Variants in NDST4 observed in about 807,000 individuals in gnomAD.
The protein encoded by NDST4 is N-heparan sulfate sulfotransferase 4.
Under a neutral mutation model 100.8 loss-of-function variants are expected in NDST4, and 63 were observed. That is an observed-to-expected ratio of 0.62 (90% CI 0.51 to 0.77). The LOEUF is 0.77. NDST4 is among the 30% of genes least tolerant of loss of function. The pLI is 0.00. For synonymous variants in NDST4, 377 were observed against 361.8 expected, an observed-to-expected ratio of 1.04 and a Z score of -0.48; for missense variants, 943 against 1,018.4, an observed-to-expected ratio of 0.93 and a Z score of 1.01.
intron 7 of NDST4, among the ~76,000 whole-genome samples, chr4:114,867,412 C>T (rs1724049655): frequency 6.6e-6 from 1 of 151,954 alleles, no homozygotes; most frequent in Non-Finnish European, 1.5e-5. Context: ...GAGACGTTGG[C>T]ATGGGGAGAG....
At chr4:115,006,390 C>A (rs1186527229) in intron 2 of NDST4, among the ~76,000 whole-genome samples, 2 of 151,788 alleles carry the variant, frequency 1.3e-5, no homozygotes, top group African/African-American at 4.8e-5. Context: ...AGCCTATAGG[C>A]AGTTGGAATC....
chr4:114,875,239 A>G (rs1179386232), intron 6 of NDST4, among the ~76,000 whole-genome samples: 1 of 152,146 alleles, frequency 6.6e-6, no homozygotes, highest in Non-Finnish European at 1.5e-5. Context: ...ACTTCTACCT[A>G]TGTTTCTCCC....
intron 1 of NDST4, among the ~76,000 whole-genome samples, chr4:115,096,725 C>T (rs777454569): frequency 3.9e-5 from 6 of 152,102 alleles, no homozygotes; most frequent in South Asian, 2.1e-4. Context: ...CATTCTAACA[C>T]AGGCATTCTG....
At chr4:115,072,045 A>G (rs574578314) in intron 2 of NDST4, among the ~76,000 whole-genome samples, 1 of 152,098 alleles carries the variant, frequency 6.6e-6, no homozygotes, top group East Asian at 1.9e-4. Flanking sequence ...ATGGAATAAA[A>G]CTGCTCAAAT....
chr4:114,986,187 T>C (rs1182159994), intron 2 of NDST4, among the ~76,000 whole-genome samples: 1 of 152,238 alleles, frequency 6.6e-6, no homozygotes, highest in Non-Finnish European at 1.5e-5. Context: ...ATGTCACATA[T>C]GTGAAGAGTT....
intron 7 of NDST4, 137 bp from the exon 8 acceptor site, chr4:114,852,958 G>A (rs1381182415): frequency 3.5e-5 from 19 of 536,934 alleles, no homozygotes; most frequent in Non-Finnish European, 5.6e-5. Flanking sequence ...TCGTTCTCTG[G>A]TTTCCAAATC....
intron 1 of NDST4, among the ~76,000 whole-genome samples, chr4:115,093,280 C>T (rs989011214): frequency 6.6e-6 from 1 of 151,970 alleles, no homozygotes; most frequent in Non-Finnish European, 1.5e-5. Flanking sequence ...TCGAGACTAT[C>T]CTGGCTAACA....
rs940796620 is a variant in NDST4 at position 114,966,102 on chromosome 4, G to A, written c.1221+4328C>T. On this transcript the variant is annotated intron_variant, in intron 4 of 13. Coordinates refer to ENST00000264363, the MANE Select transcript of NDST4 (RefSeq NM_022569.3). ...GGGTATCTTGTAACTGCCATATTTC[G>A]GTTGACTATGCTTGTCATTAGACTA... is the stretch of plus-strand genomic sequence containing the variant. 5.9e-5 allele frequency among the ~76,000 whole-genome samples: 9 copies of A among 151,926 alleles called. No individual in the cohort carries two copies. The East Asian group carries it at 7.7e-4, about 13-fold the overall frequency.
chr4:114,853,943 G>A (rs563714993), intron 7 of NDST4, among the ~76,000 whole-genome samples: 13 of 152,130 alleles, frequency 8.5e-5, no homozygotes, highest in East Asian at 5.8e-4. Flanking sequence ...ATTACTTCAA[G>A]CATTTATCAT....
intron 7 of NDST4, among the ~76,000 whole-genome samples, chr4:114,854,660 G>A (rs1305905014): frequency 6.6e-6 from 1 of 152,080 alleles, no homozygotes; most frequent in Non-Finnish European, 1.5e-5. Context: ...AGTAAAGACG[G>A]GGTTTCACTA....
intron 2 of NDST4, among the ~76,000 whole-genome samples, chr4:115,041,121 A>G (rs940530695): frequency 2.0e-5 from 3 of 152,124 alleles, no homozygotes; most frequent in African/African-American, 7.2e-5. Context: ...GAATTAATGC[A>G]TAGAGGCATT....
intron 2 of NDST4, among the ~76,000 whole-genome samples, chr4:115,062,661 A>C: frequency 6.6e-6 from 1 of 151,568 alleles, no homozygotes; most frequent in South Asian, 2.1e-4. Context: ...AATAATTCTA[A>C]ATTAAAACAA....
chr4:115,079,382 AT>A (rs1373399104), intron 1 of NDST4, among the ~76,000 whole-genome samples: 2 of 151,424 alleles, frequency 1.3e-5, no homozygotes, highest in Non-Finnish European at 2.9e-5. Flanking sequence ...AAAAAAAAAA[AT>A]CCCAAACTGC....
At chr4:115,103,579 G>T (rs1368349889) in intron 1 of NDST4, among the ~76,000 whole-genome samples, 1 of 151,966 alleles carries the variant, frequency 6.6e-6, no homozygotes, top group Non-Finnish European at 1.5e-5. Context: ...ATTTACTTCA[G>T]AGAGTTCTTA....
intron 6 of NDST4, among the ~76,000 whole-genome samples, chr4:114,903,931 T>C (rs148195783): frequency 6.6e-6 from 1 of 152,120 alleles, no homozygotes; most frequent in African/African-American, 2.4e-5. Context: ...TAGAAGCCAA[T>C]TGAATGAATA....
chr4:115,042,059 G>A (rs1479900021), intron 2 of NDST4, among the ~76,000 whole-genome samples: 1 of 152,014 alleles, frequency 6.6e-6, no homozygotes, highest in African/African-American at 2.4e-5. Context: ...CCTTAATATG[G>A]TTTCATTTTC....
rs1553959396 is a variant in NDST4, at chr4:114,986,830, A to ATATATATTTATTTATT, written c.979-9557_979-9556insAATAAATAAATATATA. ...TATATATATATATATATATATATAT[A>ATATATATTTATTTATT]TATTTTAATATACTATTCCTATAAG... is the stretch of plus-strand genomic sequence containing the variant. On this transcript the variant is annotated intron_variant, in intron 2 of 13. Coordinates refer to ENST00000264363, the MANE Select transcript of NDST4 (RefSeq NM_022569.3). 1.1e-3 allele frequency among the ~76,000 whole-genome samples: 104 copies of ATATATATTTATTTATT among 91,932 alleles called. 3 individuals are homozygous for ATATATATTTATTTATT. The highest frequency in any genetic ancestry group is 4.2e-3 in the African/African-American group (99 of 23,296). The allele number at this position is 91,932 out of a possible 152,430, so 60.3% of individuals were successfully genotyped here. A position where few individuals can be genotyped will look rare whatever the true frequency, so the allele number is the denominator to read the frequency against.
At chr4:115,072,116 T>A (rs1729090626) in intron 2 of NDST4, among the ~76,000 whole-genome samples, 1 of 152,044 alleles carries the variant, frequency 6.6e-6, no homozygotes, top group Admixed American at 6.6e-5. Flanking sequence ...CTAAGACATG[T>A]TATAGTCAAA....
chr4:114,929,580 G>T (rs983298019), intron 6 of NDST4, among the ~76,000 whole-genome samples: 1 of 152,158 alleles, frequency 6.6e-6, no homozygotes, highest in African/African-American at 2.4e-5. Flanking sequence ...CTGGATAGAT[G>T]AAGCCTCCTG....
Sources: allele counts gnomAD v4.1 joint callset (sites outside exome capture counted in the v4.1 genomes callset), GRCh38; gene constraint gnomAD v4.1.1; transcripts MANE v1.5; gene names NCBI Gene and HGNC (gene_info 2026-07-23, HGNC 2026-07-21).